The following ASAH1 variants were observed in gnomAD, a reference collection of about 807,000 sequenced individuals.
The protein encoded by ASAH1 is N-acylsphingosine amidohydrolase 1.
ASAH1 carries 70 observed loss-of-function variants against 59.5 expected under a neutral mutation model. The observed-to-expected ratio is 1.18, with a 90% CI of 0.97 to 1.43. ASAH1 has a LOEUF of 1.43. Among genes scored for constraint, ASAH1 ranks in the 40% most tolerant of loss-of-function variants. The pLI is 0.00. For synonymous variants in ASAH1, 213 were observed against 166.5 expected (o/e 1.28, Z -2.15); for missense variants, 660 against 482.5 (o/e 1.37, Z -3.45).
intron 1 of ASAH1, among the ~76,000 whole-genome samples, chr8:18,078,910 A>T (rs1375813943): frequency 6.9e-6 from 1 of 145,352 alleles, no homozygotes; most frequent in African/African-American, 2.8e-5. Context: ...GCCCTTCCCT[A>T]CCTTTCTCCC....
intron 5 of ASAH1, 128 bp downstream of exon 5, chr8:18,067,091 TA>T: frequency 3.2e-5 from 4 of 126,960 alleles, no homozygotes; most frequent in Non-Finnish European, 7.9e-5. Flanking sequence ...GCTGTATATC[TA>T]AGACCTGTGC....
intron 2 of ASAH1, among the ~76,000 whole-genome samples, chr8:18,074,519 T>C (rs768646325): frequency 3.3e-5 from 5 of 152,198 alleles, no homozygotes; most frequent in African/African-American, 7.2e-5. Flanking sequence ...TTGATATCAC[T>C]AGATAGAGTT....
chr8:18,080,409 G>T (rs1194282644), intron 1 of ASAH1, among the ~76,000 whole-genome samples: 1 of 152,118 alleles, frequency 6.6e-6, no homozygotes, highest in African/African-American at 2.4e-5. Context: ...ACCGCAAGCT[G>T]TTTTCTGCCC....
intron 2 of ASAH1, chr8:18,073,384 T>C (rs1441726787): frequency 9.1e-7 from 1 of 1,102,340 alleles, no homozygotes; most frequent in African/African-American, 1.5e-5. Flanking sequence ...AGAAATATCA[T>C]TTCATCATTT....
chr8:18,067,100 T>TGCACCTGTGCTGTATATCTAAGACACACA, intron 5 of ASAH1, 120 bp downstream of exon 5: 1 of 548,490 alleles, frequency 1.8e-6, no homozygotes, highest in Non-Finnish European at 3.0e-6. Context: ...CTAAGACCTG[T>TGCACCTGTGCTGTATATCTAAGACACACA]GCACCTGTGC....
chr8:18,056,696 C>T lies in ASAH1; in HGVS notation c.*838G>A, dbSNP rs961133162. ...TCAATCTGAAGAACAAACTAAAAAC[C>T]TGTTTATTACATGAATGCTACTTAT... On this transcript the variant is annotated 3_prime_UTR_variant, in exon 14 of 14. Coordinates refer to ENST00000637790, the MANE Select transcript of ASAH1 (RefSeq NM_177924.5). The T allele has an allele frequency of 6.6e-6, 1 of 152,094 alleles. No individual in the cohort carries two copies. Among genetic ancestry groups the T allele is most frequent in the Non-Finnish European group, 1.5e-5 (1 of 68,014 alleles). The allele number at this position is 152,094 out of a possible 1,614,324, so 9.4% of individuals were successfully genotyped here.
rs765804914 is a variant in ASAH1, at chr8:18,061,691, T to A, written c.698A>T (p.Tyr233Phe). The change falls in exon 9 of 14, where the codon TAT (tyrosine) becomes TTT (phenylalanine). Residue 233 changes from tyrosine (Y) to phenylalanine (F), a missense_variant. Tyr to Phe is a conservative substitution (Grantham distance 22). Transcript: ENST00000637790. ...LNERFSINGGYLGILEWILGK... is the reference protein window; with the variant it reads ...LNERFSINGGFLGILEWILGK... ...CTTGAGAATGCTCTACTTACCCAGA[T>A]AACCACCATTTATACTGAAACGTTC... 6.3e-7 allele frequency: 1 copy of A among 1,586,364 alleles called. No individual in the cohort carries two copies. The highest frequency in any genetic ancestry group is 8.6e-7 in the Non-Finnish European group (1 of 1,164,318).
intron 1 of ASAH1, among the ~76,000 whole-genome samples, chr8:18,083,641 C>T (rs1218535909): frequency 1.3e-5 from 2 of 152,202 alleles, no homozygotes; most frequent in South Asian, 2.1e-4. Context: ...ACAGGTCCAC[C>T]GGAACATTTT....
chr8:18,067,115 T>TATCTAAGACATACAGCACCTGTGCTGTAG, intron 5 of ASAH1, 105 bp downstream of exon 5: 2 of 521,880 alleles, frequency 3.8e-6, no homozygotes, highest in Admixed American at 8.3e-5. Flanking sequence ...CTGTGCTGTA[T>TATCTAAGACATACAGCACCTGTGCTGTAG]ATCTAAGACA....
intron 2 of ASAH1, chr8:18,073,301 A>C: frequency 6.4e-7 from 1 of 1,567,598 alleles, no homozygotes; most frequent in South Asian, 1.2e-5. Flanking sequence ...CAAAAATAAA[A>C]AAAACACTTA....
intron 2 of ASAH1, 150 bp downstream of exon 2, chr8:18,075,391 A>C: frequency 1.1e-6 from 1 of 873,358 alleles, no homozygotes; most frequent in Non-Finnish European, 1.9e-6. Flanking sequence ...CAAATGCATA[A>C]TAAACAAATC....
At chr8:18,080,555 T>A (rs1346439273) in intron 1 of ASAH1, among the ~76,000 whole-genome samples, 1 of 152,176 alleles carries the variant, frequency 6.6e-6, no homozygotes, top group Non-Finnish European at 1.5e-5. Flanking sequence ...CTTACTCTCC[T>A]ATTTTTTTGT....
At chr8:18,077,207 G>A (rs1004288818) in intron 1 of ASAH1, among the ~76,000 whole-genome samples, 1 of 152,158 alleles carries the variant, frequency 6.6e-6, no homozygotes, top group Non-Finnish European at 1.5e-5. Context: ...TGAAGCTCAT[G>A]GTTTATATTG....
At chr8:18,066,279 G>C (rs1407299418) in intron 5 of ASAH1, 2 of 151,792 alleles carry the variant, frequency 1.3e-5, no homozygotes, top group African/African-American at 4.8e-5. Context: ...TAAAAATGAA[G>C]GTCATAGACT....
chr8:18,077,680 C>T (rs545208251), intron 1 of ASAH1, among the ~76,000 whole-genome samples: 1 of 152,144 alleles, frequency 6.6e-6, no homozygotes, highest in Non-Finnish European at 1.5e-5. Context: ...ATTTCATTTT[C>T]CCTGGACACA....
chr8:18,077,281 A>G (rs1800443750), intron 1 of ASAH1, among the ~76,000 whole-genome samples: 1 of 152,228 alleles, frequency 6.6e-6, no homozygotes, highest in African/African-American at 2.4e-5. Context: ...GGAATACTAT[A>G]ATAAATAACC....
rs1263706880 is a variant in ASAH1 at position 18,058,647 on chromosome 8, A to G, written c.1098+188T>C. 25 of 612,666 alleles carry G rather than the reference A, an allele frequency of 4.1e-5. 2 individuals carry two copies. The South Asian group carries it at 5.0e-4, about 12-fold the overall frequency. The allele number at this position is 612,666 out of a possible 1,614,324, so 38.0% of individuals were successfully genotyped here. On this transcript the variant is annotated intron_variant, in intron 13 of 13. Transcript: ENST00000637790. ...ACAATATTCTGACCTATCAAGCCTC[A>G]GTGATCAATTTCTTTCTTGTATTCC...
intron 8 of ASAH1, 90 bp from the exon 9 acceptor site, chr8:18,061,830 G>C: frequency 1.6e-6 from 2 of 1,215,980 alleles, no homozygotes; most frequent in East Asian, 2.5e-5. Flanking sequence ...GGGATATAAA[G>C]GCCTAGCTTG....
At chr8:18,073,107 G>T in intron 2 of ASAH1, 3 of 757,614 alleles carry the variant, frequency 4.0e-6, no homozygotes, top group Non-Finnish European at 6.4e-6. Context: ...GAATTTGAGA[G>T]AACTGGTTAA....
Sources: gnomAD v4.1 joint callset for allele counts (sites outside exome capture counted in the v4.1 genomes callset) on GRCh38, gnomAD v4.1.1 for gene constraint, MANE v1.5 for transcripts, NCBI Gene and HGNC (gene_info 2026-07-23, HGNC 2026-07-21) for gene names.